FAF1: variants seen among roughly 807,000 people sequenced by gnomAD.
The protein encoded by FAF1 is Fas associated factor 1, also known as FAS-associated factor 1.
A neutral mutation model predicts 92.5 loss-of-function variants in FAF1; 25 were observed. The observed-to-expected ratio is 0.27, with a 90% CI of 0.20 to 0.38. The LOEUF (loss-of-function observed/expected upper bound fraction) is 0.38, where lower values mean the gene tolerates loss of function less well. Ranked by LOEUF, FAF1 falls within the 10% of genes least tolerant of loss-of-function variation. The pLI is 1.00. For missense variants in FAF1, 636 were observed against 793.3 expected (o/e 0.80, Z 2.38); for synonymous variants, 234 against 273.2 (o/e 0.86, Z 1.42).
chr1:50,561,812 G>A (rs1414251276), intron 13 of FAF1, among the ~76,000 whole-genome samples: 1 of 151,642 alleles, frequency 6.6e-6, no homozygotes, highest in African/African-American at 2.4e-5. Flanking sequence ...GTGACAGAGC[G>A]AGACGCCATC....
At chr1:50,448,472 G>A (rs915785411) in intron 18 of FAF1, among the ~76,000 whole-genome samples, 3 of 152,156 alleles carry the variant, frequency 2.0e-5, no homozygotes, top group African/African-American at 7.2e-5. Flanking sequence ...TCCACATGGA[G>A]TGACTTCTGG....
intron 7 of FAF1, among the ~76,000 whole-genome samples, chr1:50,675,999 C>A (rs1039465514): frequency 1.2e-4 from 18 of 152,138 alleles, no homozygotes; most frequent in Non-Finnish European, 1.9e-4. Context: ...TGAATTTGAA[C>A]CCCTATTCTT....
At chr1:50,503,842 A>G (rs1178814467) in intron 15 of FAF1, among the ~76,000 whole-genome samples, 2 of 152,188 alleles carry the variant, frequency 1.3e-5, no homozygotes, top group African/African-American at 4.8e-5. Flanking sequence ...AAACAAATCT[A>G]TGCTGACAGA....
chr1:50,610,070 G>A (rs1652617578), intron 8 of FAF1, among the ~76,000 whole-genome samples: 2 of 152,084 alleles, frequency 1.3e-5, no homozygotes, highest in South Asian at 4.1e-4. Context: ...AGCTGTCAAA[G>A]AAAAAGACAA....
chr1:50,954,143 T>C (rs1645245082), intron 1 of FAF1, among the ~76,000 whole-genome samples: 1 of 152,000 alleles, frequency 6.6e-6, no homozygotes, highest in Non-Finnish European at 1.5e-5. Flanking sequence ...GAGACAGAGT[T>C]TCACCATGTT....
chr1:50,742,898 T>C (rs543697809), intron 5 of FAF1, among the ~76,000 whole-genome samples: 34 of 152,226 alleles, frequency 2.2e-4, no homozygotes, highest in Middle Eastern at 3.4e-3. Flanking sequence ...GGCCTGTGAG[T>C]TAAGAATGGT....
chr1:50,484,431 G>A (rs188429560), intron 17 of FAF1, among the ~76,000 whole-genome samples: 1 of 152,122 alleles, frequency 6.6e-6, no homozygotes, highest in African/African-American at 2.4e-5. Flanking sequence ...AAGTACTGAA[G>A]AAATAGTGGA....
intron 3 of FAF1, among the ~76,000 whole-genome samples, chr1:50,798,241 G>T (rs557392156): frequency 3.5e-4 from 53 of 152,236 alleles, no homozygotes; most frequent in African/African-American, 1.3e-3. Flanking sequence ...AATGGTCAAG[G>T]TTTGAAAATA....
At chr1:50,611,364 C>T (rs1257401459) in intron 8 of FAF1, among the ~76,000 whole-genome samples, 2 of 152,160 alleles carry the variant, frequency 1.3e-5, no homozygotes, top group Non-Finnish European at 2.9e-5. Context: ...AAAAACCTCA[C>T]ACCCTTAAAT....
At chr1:50,597,885 T>G (rs1429749431) in intron 8 of FAF1, among the ~76,000 whole-genome samples, 1 of 152,234 alleles carries the variant, frequency 6.6e-6, no homozygotes, top group East Asian at 1.9e-4. Flanking sequence ...CTAAAGGAAC[T>G]TTTTCTATTT....
intron 6 of FAF1, among the ~76,000 whole-genome samples, chr1:50,706,377 T>C (rs555932895): frequency 1.1e-4 from 16 of 152,362 alleles, no homozygotes; most frequent in African/African-American, 3.6e-4. Context: ...TCAATTGTTA[T>C]GTAAAAATTC....
At chr1:50,463,777 A>T (rs1646461101) in intron 18 of FAF1, among the ~76,000 whole-genome samples, 1 of 152,204 alleles carries the variant, frequency 6.6e-6, no homozygotes, top group Admixed American at 6.5e-5. Flanking sequence ...CAGCCATAAA[A>T]ATTTCAAAGA....
At chr1:50,746,998 T>C (rs1174451604) in intron 4 of FAF1, among the ~76,000 whole-genome samples, 4 of 152,030 alleles carry the variant, frequency 2.6e-5, no homozygotes, top group African/African-American at 9.7e-5. Context: ...AATGCAAGAG[T>C]TGAGGCATGG....
intron 1 of FAF1, among the ~76,000 whole-genome samples, chr1:50,863,902 A>G (rs971150945): frequency 2.0e-5 from 3 of 152,074 alleles, no homozygotes; most frequent in Non-Finnish European, 2.9e-5. Flanking sequence ...GTCTATTCAG[A>G]GAGTCAACTT....
At chr1:50,697,405 A>G (rs1657279845) in intron 7 of FAF1, among the ~76,000 whole-genome samples, 1 of 152,222 alleles carries the variant, frequency 6.6e-6, no homozygotes. Context: ...TTCATGATAA[A>G]TAATATCATT....
intron 1 of FAF1, among the ~76,000 whole-genome samples, chr1:50,867,074 C>T (rs957977714): frequency 6.6e-6 from 1 of 152,080 alleles, no homozygotes. Flanking sequence ...CAAACAAAAA[C>T]ATAAAGTGTG....
intron 15 of FAF1, among the ~76,000 whole-genome samples, chr1:50,528,292 G>A (rs1307500745): frequency 1.3e-5 from 2 of 151,736 alleles, no homozygotes; most frequent in South Asian, 2.1e-4. Flanking sequence ...TTCTCCTCTG[G>A]GATTTTGCAT....
At chr1:50,594,887 A>T (rs890258285) in intron 9 of FAF1, among the ~76,000 whole-genome samples, 169 of 130,822 alleles carry the variant, frequency 1.3e-3, no homozygotes, top group Middle Eastern at 4.9e-3. Context: ...AAAAAAAAAA[A>T]TTATATATAT....
At chr1:50,648,177 G>A (rs769301916) in intron 8 of FAF1, among the ~76,000 whole-genome samples, 1 of 152,138 alleles carries the variant, frequency 6.6e-6, no homozygotes, top group African/African-American at 2.4e-5. Context: ...AGAATTGCTC[G>A]AACCCCGGAG....
Sources: gnomAD v4.1 joint callset for allele counts (sites outside exome capture counted in the v4.1 genomes callset) on GRCh38, gnomAD v4.1.1 for gene constraint, MANE v1.5 for transcripts, NCBI Gene and HGNC (gene_info 2026-07-23, HGNC 2026-07-21) for gene names.